TBC1D19: variants seen among roughly 807,000 people sequenced by gnomAD.
TBC1D19 encodes the protein TBC1 domain family member 19.
TBC1D19 carries 60 observed loss-of-function variants against 89.0 expected under a neutral mutation model. The observed-to-expected ratio is 0.67, with a 90% CI of 0.55 to 0.84. The LOEUF (loss-of-function observed/expected upper bound fraction) is 0.84. Among genes scored for constraint, TBC1D19 ranks in the 40% least tolerant of loss-of-function variants. The pLI, the probability that TBC1D19 is intolerant of heterozygous loss-of-function variation, is 0.00. For missense variants in TBC1D19, 500 were observed against 610.8 expected (o/e 0.82, Z 1.91); for synonymous variants, 189 against 199.7 (o/e 0.95, Z 0.45).
chr4:26,785,608 T>G, the TBC1D19 span, among the ~76,000 whole-genome samples: 13 of 152,162 alleles, frequency 8.5e-5, no homozygotes, highest in Non-Finnish European at 1.3e-4. Context: ...ATGCACAAAG[T>G]GTGAGCAGGA....
At chr4:26,761,195 C>T (rs577225086), downstream of TBC1D19, among the ~76,000 whole-genome samples, 6 of 152,280 alleles carry the variant, frequency 3.9e-5, no homozygotes, top group South Asian at 2.1e-4. Context: ...CTAGCTTCTT[C>T]GCATTTCTAA....
At chr4:26,853,131 G>A in the TBC1D19 span, among the ~76,000 whole-genome samples, 2 of 152,208 alleles carry the variant, frequency 1.3e-5, no homozygotes, top group African/African-American at 4.8e-5. Flanking sequence ...AGCTGTAAGA[G>A]CCCTGCATGT....
chr4:26,604,825 G>C (rs1316776840), intron 1 of TBC1D19, among the ~76,000 whole-genome samples: 1 of 151,938 alleles, frequency 6.6e-6, no homozygotes, highest in Non-Finnish European at 1.5e-5. Context: ...AGCTTGCAGT[G>C]AGCAGAGATC....
chr4:26,708,897 G>GT (rs141996174), intron 13 of TBC1D19, among the ~76,000 whole-genome samples: 2,350 of 150,454 alleles, frequency 0.016, 53 homozygotes, highest in African/African-American at 0.052. Context: ...CATTTATTTA[G>GT]TTTTTTGAGA....
At chr4:26,716,642 T>G (rs951676986) in intron 13 of TBC1D19, among the ~76,000 whole-genome samples, 1 of 152,112 alleles carries the variant, frequency 6.6e-6, no homozygotes, top group African/African-American at 2.4e-5. Context: ...AATATTTATC[T>G]TACAATAGTG....
intron 1 of TBC1D19, among the ~76,000 whole-genome samples, chr4:26,612,673 C>T (rs1004648270): frequency 1.3e-5 from 2 of 152,004 alleles, no homozygotes; most frequent in Non-Finnish European, 2.9e-5. Flanking sequence ...ACTAATAACA[C>T]ACATTTATGA....
rs200739329 is a variant in TBC1D19 at position 26,655,891 on chromosome 4, TC to T, written c.481-3704del. ...TGCACCCACTGTCCTGCACCCACTT[TC>T]CGACAATCCCCAGTGAGATGAACCT... On this transcript the variant is annotated intron_variant, in intron 7 of 20. Transcript: ENST00000264866. 8.7e-3 allele frequency among the ~76,000 whole-genome samples: 1,327 copies of T among 152,298 alleles called. 17 individuals are homozygous for T. The highest frequency in any genetic ancestry group is 0.028 in the African/African-American group (1,163 of 41,550).
chr4:26,612,630 GT>G (rs758327623), intron 1 of TBC1D19, among the ~76,000 whole-genome samples: 1 of 152,042 alleles, frequency 6.6e-6, no homozygotes, highest in Non-Finnish European at 1.5e-5. Context: ...TGAAAAACCA[GT>G]AGAATAGGAA....
the TBC1D19 span, among the ~76,000 whole-genome samples, chr4:26,847,253 T>G: frequency 1.3e-5 from 2 of 152,186 alleles, no homozygotes; most frequent in African/African-American, 2.4e-5. Context: ...TCAAGCAATC[T>G]ATACTATTTT....
At chr4:26,822,683 C>G in the TBC1D19 span, among the ~76,000 whole-genome samples, 1 of 151,488 alleles carries the variant, frequency 6.6e-6, no homozygotes, top group Non-Finnish European at 1.5e-5. Context: ...GGTTGAAGAC[C>G]TGTAATAAAT....
chr4:26,788,904 C>A, the TBC1D19 span, among the ~76,000 whole-genome samples: 1 of 152,176 alleles, frequency 6.6e-6, no homozygotes, highest in African/African-American at 2.4e-5. Flanking sequence ...AGCTACTGGC[C>A]TTCTTGGCTG....
chr4:26,850,540 C>CAAAAAAAAAAAAAAAAAAA, the TBC1D19 span, among the ~76,000 whole-genome samples: 173 of 90,394 alleles, frequency 1.9e-3, 12 homozygotes, highest in African/African-American at 9.2e-3. Context: ...GACCCTGTCT[C>CAAAAAAAAAAAAAAAAAAA]AAAAAAAAAA....
At position 26,748,407 on chromosome 4, in the gene TBC1D19, A is replaced by G. The variant is rs1718768048; in HGVS notation, c.1320-4A>G. ...CATTAATTTTTATTTTTCCTTGCTT[A>G]TAGACTTCGCATATCATTTAAGTGG... On this transcript the variant is annotated splice_polypyrimidine_tract_variant and splice_region_variant and intron_variant, in intron 18 of 20. Transcript: ENST00000264866. The G allele has an allele frequency of 6.2e-7, 1 of 1,606,980 alleles. No individual in the cohort carries two copies. The highest frequency in any genetic ancestry group is 8.5e-7 in the Non-Finnish European group (1 of 1,174,934).
At chr4:26,681,248 T>C (rs1256233971) in intron 11 of TBC1D19, among the ~76,000 whole-genome samples, 3 of 151,986 alleles carry the variant, frequency 2.0e-5, no homozygotes, top group African/African-American at 7.2e-5. Context: ...TTAAGATACA[T>C]AGAGCCTTGG....
At chr4:26,697,875 G>C (rs908975641) in intron 13 of TBC1D19, among the ~76,000 whole-genome samples, 1 of 152,046 alleles carries the variant, frequency 6.6e-6, no homozygotes, top group African/African-American at 2.4e-5. Context: ...AATAATAAGC[G>C]CTATCTATGA....
chr4:26,834,980 G>A, the TBC1D19 span, among the ~76,000 whole-genome samples: 4 of 151,964 alleles, frequency 2.6e-5, no homozygotes, highest in African/African-American at 4.8e-5. Context: ...TGAGCCCTTA[G>A]CCCTTACTCC....
At chr4:26,690,014 T>G (rs1714135002) in intron 13 of TBC1D19, among the ~76,000 whole-genome samples, 1 of 152,194 alleles carries the variant, frequency 6.6e-6, no homozygotes, top group Admixed American at 6.5e-5. Context: ...GAAAAGTTTT[T>G]GAAGGAAATT....
chr4:26,733,974 A>G (rs1179024144), intron 15 of TBC1D19, among the ~76,000 whole-genome samples: 2 of 152,212 alleles, frequency 1.3e-5, no homozygotes, highest in Admixed American at 1.3e-4. Context: ...TCATCTCAGG[A>G]AAATTTGAAG....
chr4:26,726,943 T>C (rs1717358378), intron 15 of TBC1D19, among the ~76,000 whole-genome samples: 1 of 152,218 alleles, frequency 6.6e-6, no homozygotes, highest in Non-Finnish European at 1.5e-5. Flanking sequence ...CATTCTGAGC[T>C]TTGTCAAAGG....
Sources: allele counts gnomAD v4.1 joint callset (sites outside exome capture counted in the v4.1 genomes callset), GRCh38; gene constraint gnomAD v4.1.1; transcripts MANE v1.5; gene names NCBI Gene and HGNC (gene_info 2026-07-23, HGNC 2026-07-21).